The following PLCL1 variants were observed in gnomAD, a reference collection of about 807,000 sequenced individuals.
The protein encoded by PLCL1 is inactive phospholipase C-like protein 1.
A neutral mutation model predicts 84.4 loss-of-function variants in PLCL1; 41 were observed. That is an observed-to-expected ratio of 0.49 (90% CI 0.38 to 0.63). PLCL1 has a LOEUF of 0.63. Among genes scored for constraint, PLCL1 ranks in the 30% least tolerant of loss-of-function variants. The probability of loss-of-function intolerance (pLI) is 0.00; values close to 1 mark genes in which losing one functional copy is unlikely to be tolerated. For synonymous variants in PLCL1, 490 were observed against 488.3 expected (o/e 1.00, Z -0.05); for missense variants, 1,206 against 1,367.8 (o/e 0.88, Z 1.87).
chr2:197,839,013 T>C (rs1322859064), intron 1 of PLCL1, among the ~76,000 whole-genome samples: 8 of 152,240 alleles, frequency 5.3e-5, no homozygotes, highest in African/African-American at 1.9e-4. Flanking sequence ...AGTATTGCCT[T>C]ATATATCTGC....
chr2:197,978,472 C>T lies in PLCL1; in HGVS notation c.241-105286C>T, dbSNP rs142659651. 1.4e-3 allele frequency among the ~76,000 whole-genome samples: 208 copies of T among 151,966 alleles called. 2 individuals carry two copies. Among genetic ancestry groups the T allele is most frequent in the African/African-American group, 4.6e-3 (189 of 41,442 alleles). On this transcript the variant is annotated intron_variant, in intron 1 of 5. Coordinates refer to ENST00000428675, the MANE Select transcript of PLCL1 (RefSeq NM_006226.4). ...CAGCCTGGTCGACAGAGGGAGACTC[C>T]GTCTCAAAAAAACAAAAACAAAGCA...
At position 197,886,411 on chromosome 2, in the gene PLCL1, C is replaced by CAAAAAAAAAAAAA. The variant is rs61183744; in HGVS notation, c.240+81101_240+81113dup. Among the ~76,000 whole-genome samples the CAAAAAAAAAAAAA allele has an allele frequency of 9.3e-4, 72 of 77,084 alleles. 6 individuals are homozygous for CAAAAAAAAAAAAA. Among genetic ancestry groups the CAAAAAAAAAAAAA allele is most frequent in the Non-Finnish European group, 1.1e-3 (41 of 37,396 alleles). The allele number at this position is 77,084 out of a possible 152,430, so 50.6% of individuals were successfully genotyped here. A position where few individuals can be genotyped will look rare whatever the true frequency, so the allele number is the denominator to read the frequency against. ...TGGGCAACAGAATGAGACTCTGTCTCAAAAAAAAAAAAAAAAAAAAAAAAA... is the reference window on the plus strand; with the variant it reads ...TGGGCAACAGAATGAGACTCTGTCTCAAAAAAAAAAAAAAAAAAAAAAAAAAAAAAAAAAAAAA... On this transcript the variant is annotated intron_variant, in intron 1 of 5. Coordinates refer to ENST00000428675, the MANE Select transcript of PLCL1 (RefSeq NM_006226.4).
At chr2:198,079,249 T>G (rs1692652144) in intron 1 of PLCL1, among the ~76,000 whole-genome samples, 1 of 151,522 alleles carries the variant, frequency 6.6e-6, no homozygotes, top group African/African-American at 2.4e-5. Flanking sequence ...GTTTCCAATT[T>G]TAGTTTAATA....
At position 198,146,920 on chromosome 2, in the gene PLCL1, C is replaced by CA; in HGVS notation, c.3247dup (p.Ile1083AsnfsTer7). The CA allele has an allele frequency of 6.2e-7, 1 of 1,612,652 alleles. No individual in the cohort carries two copies. Among genetic ancestry groups the CA allele is most frequent in the South Asian group, 1.1e-5 (1 of 90,884 alleles). Reference sequence around the variant, plus strand: ...CCAAGAGCAAGCGCAGCCTGGAAGCCATAGAGGAGAAGGAAAGTAGTGAGG... The same window carrying CA: ...CCAAGAGCAAGCGCAGCCTGGAAGCCAATAGAGGAGAAGGAAAGTAGTGAGG... On this transcript the variant is annotated frameshift_variant, in exon 6 of 6. Coordinates refer to ENST00000428675, the MANE Select transcript of PLCL1 (RefSeq NM_006226.4). LOFTEE classifies it high-confidence loss of function.
At chr2:198,086,330 A>T (rs1392152748) in intron 2 of PLCL1, 98 bp downstream of exon 2, 6 of 865,350 alleles carry the variant, frequency 6.9e-6, no homozygotes, top group East Asian at 2.6e-5. Context: ...TATCAGAAAG[A>T]TTGTTTAAGT....
chr2:197,964,138 G>C (rs1166264425), intron 1 of PLCL1, among the ~76,000 whole-genome samples: 1 of 152,074 alleles, frequency 6.6e-6, no homozygotes, highest in African/African-American at 2.4e-5. Flanking sequence ...TGTGAAGAAT[G>C]TCATTGGTAT....
intron 1 of PLCL1, chr2:198,070,894 C>T (rs1036168810): frequency 2.6e-5 from 4 of 153,418 alleles, no homozygotes. Flanking sequence ...TATGTTTTCT[C>T]ATAGTATATG....
At position 197,987,512 on chromosome 2, in the gene PLCL1, C is replaced by T. The variant is rs1690241921; in HGVS notation, c.241-96246C>T. 4.6e-5 allele frequency among the ~76,000 whole-genome samples: 7 copies of T among 152,158 alleles called. No individual in the cohort carries two copies. The South Asian group carries it at 1.2e-3, about 27-fold the overall frequency. On this transcript the variant is annotated intron_variant, in intron 1 of 5. Coordinates refer to ENST00000428675, the MANE Select transcript of PLCL1 (RefSeq NM_006226.4). ...TCAATCATTTAGGGTACCTACCTGA[C>T]TCCTGGAAGCATTTGAGTTTGTGAT...
chr2:198,061,591 G>A (rs1265325229), intron 1 of PLCL1, among the ~76,000 whole-genome samples: 1 of 109,350 alleles, frequency 9.1e-6, no homozygotes, highest in African/African-American at 3.0e-5. Flanking sequence ...CATTGCAAAT[G>A]TATCGTCATT....
intron 1 of PLCL1, among the ~76,000 whole-genome samples, chr2:197,869,286 T>C (rs1328585290): frequency 2.0e-5 from 3 of 152,148 alleles, no homozygotes; most frequent in Non-Finnish European, 2.9e-5. Flanking sequence ...ACAATGTACT[T>C]AGTGAAATTA....
rs1210858977 is a variant in PLCL1, at chr2:197,985,366, GATGGCAGTAGGCTGAATTACATTCCTGC to G, written c.241-98373_241-98346del. On this transcript the variant is annotated intron_variant, in intron 1 of 5. Transcript: ENST00000428675. Reference sequence around the variant, plus strand: ...TTATACTTGGAATCCTTTTTAAAAGGATGGCAGTAGGCTGAATTACATTCCTGCATGGCAGTAGGCTGAATTCTTACCC... The same window carrying G: ...TTATACTTGGAATCCTTTTTAAAAGGATGGCAGTAGGCTGAATTCTTACCC... Among the ~76,000 whole-genome samples the G allele has an allele frequency of 9.9e-5, 15 of 152,250 alleles. No individual in the cohort carries two copies. In the East Asian group the frequency reaches 2.3e-3, roughly 24 times the overall value.
chr2:197,885,329 G>C (rs1297317493), intron 1 of PLCL1, among the ~76,000 whole-genome samples: 2 of 152,178 alleles, frequency 1.3e-5, no homozygotes, highest in African/African-American at 2.4e-5. Flanking sequence ...CGAAGGCTGA[G>C]AGCCAGAGGA....
At chr2:197,811,399 G>A (rs960666128) in intron 1 of PLCL1, among the ~76,000 whole-genome samples, 1 of 152,196 alleles carries the variant, frequency 6.6e-6, no homozygotes, top group Admixed American at 6.5e-5. Context: ...GTGAATATAA[G>A]AGAGAGATAT....
intron 1 of PLCL1, among the ~76,000 whole-genome samples, chr2:197,958,540 A>C (rs899584915): frequency 6.6e-6 from 1 of 152,068 alleles, no homozygotes; most frequent in African/African-American, 2.4e-5. Flanking sequence ...AACACATGGC[A>C]TCTAACCACA....
chr2:197,829,794 C>T (rs1016530968), intron 1 of PLCL1, among the ~76,000 whole-genome samples: 1 of 152,158 alleles, frequency 6.6e-6, no homozygotes, highest in Admixed American at 6.5e-5. Context: ...CTGCTGTAGC[C>T]ATCAGTCATC....
At chr2:197,906,854 GCTCT>G (rs759348976) in intron 1 of PLCL1, among the ~76,000 whole-genome samples, 40 of 152,130 alleles carry the variant, frequency 2.6e-4, no homozygotes, top group African/African-American at 8.0e-4. Context: ...TCATGATTTG[GCTCT>G]CTGTTTGTCT....
At chr2:197,991,989 G>A (rs1348835362) in intron 1 of PLCL1, among the ~76,000 whole-genome samples, 3 of 151,880 alleles carry the variant, frequency 2.0e-5, no homozygotes, top group African/African-American at 4.8e-5. Flanking sequence ...GCTCAGCTCT[G>A]CACACAACTT....
At chr2:198,059,980 GT>G (rs988883245) in intron 1 of PLCL1, among the ~76,000 whole-genome samples, 1 of 152,134 alleles carries the variant, frequency 6.6e-6, no homozygotes, top group African/African-American at 2.4e-5. Context: ...GCTGCATGAG[GT>G]TATCTGACTG....
At chr2:197,863,350 A>G (rs1459074130) in intron 1 of PLCL1, among the ~76,000 whole-genome samples, 2 of 152,168 alleles carry the variant, frequency 1.3e-5, no homozygotes, top group Admixed American at 1.3e-4. Flanking sequence ...AAAGTACTCA[A>G]AACAGTTATA....
Sources: gnomAD v4.1 joint callset for allele counts (sites outside exome capture counted in the v4.1 genomes callset) on GRCh38, gnomAD v4.1.1 for gene constraint, MANE v1.5 for transcripts, NCBI Gene and HGNC (gene_info 2026-07-23, HGNC 2026-07-21) for gene names.